Variants in TARBP1 observed in about 807,000 individuals in gnomAD.
TARBP1 encodes the protein tRNA (guanosine(18)-2'-O)-methyltransferase TARBP1.
Under a neutral mutation model 178.6 loss-of-function variants are expected in TARBP1, and 144 were observed. The ratio of observed to expected loss-of-function variants is 0.81; its 90% CI spans 0.70 to 0.93. The LOEUF is 0.93. TARBP1 is among the 40% of genes least tolerant of loss of function. The pLI is 0.00. For missense variants in TARBP1, 2,067 were observed against 2,011.7 expected (o/e 1.03, Z -0.53); for synonymous variants, 787 against 781.0 (o/e 1.01, Z -0.13).
intron 1 of TARBP1, 51 bp from the exon 2 acceptor site, chr1:234,472,862 A>T: frequency 7.3e-7 from 1 of 1,370,910 alleles, no homozygotes; most frequent in Non-Finnish European, 1.0e-6. Flanking sequence ...AAATTTCATA[A>T]GTTTCTCAAT....
chr1:234,438,772 A>T (rs1318315904), intron 12 of TARBP1, among the ~76,000 whole-genome samples: 1 of 152,222 alleles, frequency 6.6e-6, no homozygotes, highest in Non-Finnish European at 1.5e-5. Context: ...AAGGGTATAA[A>T]CCTACAGATT....
At chr1:234,455,529 G>A (rs1558234383) in intron 9 of TARBP1, among the ~76,000 whole-genome samples, 1 of 152,184 alleles carries the variant, frequency 6.6e-6, no homozygotes, top group African/African-American at 2.4e-5. Flanking sequence ...AAGGGTCTTT[G>A]CCTACTGAGA....
At chr1:234,453,308 C>G (rs556366687) in intron 9 of TARBP1, among the ~76,000 whole-genome samples, 31 of 148,894 alleles carry the variant, frequency 2.1e-4, no homozygotes, top group Non-Finnish European at 3.8e-4. Context: ...TATGTGGAAA[C>G]TCTCTGTACT....
At chr1:234,461,831 G>T (rs1667889059) in intron 6 of TARBP1, among the ~76,000 whole-genome samples, 1 of 152,156 alleles carries the variant, frequency 6.6e-6, no homozygotes, top group East Asian at 1.9e-4. Flanking sequence ...CTGCTAATCT[G>T]TGATTTCTTA....
chr1:234,410,575 T>C lies in TARBP1; in HGVS notation c.3706-44A>G, dbSNP rs774258216. 139 of 1,264,166 alleles carry C rather than the reference T, an allele frequency of 1.1e-4. 1 individual carries two copies. In the South Asian group the frequency reaches 1.5e-3, roughly 14 times the overall value. 78.3% of individuals were successfully genotyped at this position (1,264,166 alleles called of 1,614,324 possible). A position where few individuals can be genotyped will look rare whatever the true frequency, so the allele number is the denominator to read the frequency against. On this transcript the variant is annotated intron_variant, in intron 22 of 29. Coordinates refer to ENST00000040877, the MANE Select transcript of TARBP1 (RefSeq NM_005646.4). ...AAACAAATATTGATTCAAAGCTTAC[T>C]GTGAAACATGCACGTGAAAGCGCCG...
In TARBP1 at chr1:234,419,979, TAGGGAGGACAGTAGG is replaced by T. The variant is rs1662903559; in HGVS notation, c.3555+708_3555+722del. Among the ~76,000 whole-genome samples the T allele has an allele frequency of 6.6e-5, 10 of 152,298 alleles. No individual in the cohort carries two copies. The South Asian group carries it at 2.1e-3, about 32-fold the overall frequency. ...ATTCTCTCACACATTTAAAAGAAGG[TAGGGAGGACAGTAGG>T]AAATTTTCATGTCTGAAAGATGTTT... On this transcript the variant is annotated intron_variant, in intron 21 of 29. Coordinates refer to ENST00000040877, the MANE Select transcript of TARBP1 (RefSeq NM_005646.4).
At chr1:234,465,847 G>T in intron 4 of TARBP1, 139 bp from the exon 5 acceptor site, 2 of 646,496 alleles carry the variant, frequency 3.1e-6, no homozygotes, top group Non-Finnish European at 4.8e-6. Flanking sequence ...TACGCTGCAG[G>T]CTAAATTTAG....
At position 234,450,458 on chromosome 1, in the gene TARBP1, G is replaced by T; in HGVS notation, c.1831C>A (p.Gln611Lys). 2 of 1,607,408 alleles carry T rather than the reference G, an allele frequency of 1.2e-6. No homozygotes were observed. Among genetic ancestry groups the T allele is most frequent in the Middle Eastern group, 1.7e-4 (1 of 6,034 alleles). Reference sequence around the variant, plus strand: ...CAAGCAGATGACTTAACATACTCTTGAACAATGCTCTTTACATAAGCATTT... The same window carrying T: ...CAAGCAGATGACTTAACATACTCTTTAACAATGCTCTTTACATAAGCATTT... ...SLNAYVKSIV[Q>K]EYVKSSAWET... The change falls in exon 10 of 30, where the codon CAA becomes AAA. Residue 611 changes from glutamine to lysine, a missense_variant. By Grantham distance (53) the Gln-to-Lys change is moderately conservative. Transcript: ENST00000040877.
intron 24 of TARBP1, 57 bp downstream of exon 24, chr1:234,405,846 C>A: frequency 6.6e-7 from 1 of 1,514,938 alleles, no homozygotes; most frequent in Non-Finnish European, 9.1e-7. Flanking sequence ...ACTGCCCCCT[C>A]CCTGTGGGCC....
In TARBP1 at chr1:234,423,633, T is replaced by A. The variant is rs905375262; in HGVS notation, c.3444+2040A>T. ...TCCTCGTCCTCCACGCAGCACTACC[T>A]TTCCTCGCTTGGTCTCCAGACAGCA... On this transcript the variant is annotated intron_variant, in intron 20 of 29. Coordinates refer to ENST00000040877, the MANE Select transcript of TARBP1 (RefSeq NM_005646.4). Among the ~76,000 whole-genome samples the A allele has an allele frequency of 5.1e-4, 78 of 152,282 alleles. 1 individual carries two copies. Among genetic ancestry groups the A allele is most frequent in the African/African-American group, 1.8e-3 (75 of 41,566 alleles).
Position 234,393,480 on chromosome 1 carries a change from C to A in TARBP1, c.4442G>T (p.Cys1481Phe). Residue 1481 changes from cysteine to phenylalanine, a missense_variant, in exon 28 of 30, where the codon TGC (cysteine) becomes TTC (phenylalanine). Coordinates refer to ENST00000040877, the MANE Select transcript of TARBP1 (RefSeq NM_005646.4). ...AGCCCCAAATACCTCACAGGTCCTG[C>A]ACAGTCCTGCACAGAACACCTGGGA... Reference protein sequence around the residue: ...IDKPTNLGGLCRTCEVFGASV... With the variant: ...IDKPTNLGGLFRTCEVFGASV... The A allele has an allele frequency of 6.3e-7, 1 of 1,585,074 alleles. No individual in the cohort carries two copies. Among genetic ancestry groups the A allele is most frequent in the Non-Finnish European group, 8.6e-7 (1 of 1,165,420 alleles).
At chr1:234,461,055 A>G (rs1273514964) in intron 6 of TARBP1, among the ~76,000 whole-genome samples, 1 of 152,206 alleles carries the variant, frequency 6.6e-6, no homozygotes, top group African/African-American at 2.4e-5. Context: ...AGAAGCGACT[A>G]TTAACACACC....
chr1:234,435,739 A>G (rs1664956777), intron 13 of TARBP1, among the ~76,000 whole-genome samples: 1 of 152,224 alleles, frequency 6.6e-6, no homozygotes, highest in Admixed American at 6.5e-5. Context: ...AGAGCATTCC[A>G]GCCTGACAGC....
At chr1:234,392,606 G>A in intron 28 of TARBP1, 54 bp from the exon 29 acceptor site, 1 of 1,518,486 alleles carries the variant, frequency 6.6e-7, no homozygotes, top group South Asian at 1.2e-5. Context: ...GCCCTGCTTG[G>A]AGTAAATTAG....
At chr1:234,419,072 T>A (rs1043942742) in intron 21 of TARBP1, among the ~76,000 whole-genome samples, 1 of 152,018 alleles carries the variant, frequency 6.6e-6, no homozygotes, top group African/African-American at 2.4e-5. Flanking sequence ...CGCGGGAGGC[T>A]GAGGCAGGAG....
rs1371915591 is a variant in TARBP1, at chr1:234,451,762, A to AC, written c.1723-1197_1723-1196insG. ...AGACTCCGTCTCAAAAAAAAAAAAAAAAAATGATGAATGACTGGATCATCG... is the reference window on the plus strand; with the variant it reads ...AGACTCCGTCTCAAAAAAAAAAAAAACAAAATGATGAATGACTGGATCATCG... On this transcript the variant is annotated intron_variant, in intron 9 of 29. Transcript: ENST00000040877. 9.7e-5 allele frequency among the ~76,000 whole-genome samples: 14 copies of AC among 145,050 alleles called. 5 individuals are homozygous for AC. Among genetic ancestry groups the AC allele is most frequent in the Non-Finnish European group, 1.8e-4 (12 of 65,430 alleles).
At chr1:234,446,633 A>AATTTATATAATTTCTTAATATAT (rs1666195762) in intron 12 of TARBP1, among the ~76,000 whole-genome samples, 170 bp downstream of exon 12, 1 of 146,562 alleles carries the variant, frequency 6.8e-6, no homozygotes, top group Non-Finnish European at 1.5e-5. Flanking sequence ...TATTTTTCTT[A>AATTTATATAATTTCTTAATATAT]AATTATATAA....
At chr1:234,422,285 T>C (rs1195154829) in intron 20 of TARBP1, among the ~76,000 whole-genome samples, 1 of 152,186 alleles carries the variant, frequency 6.6e-6, no homozygotes, top group Non-Finnish European at 1.5e-5. Flanking sequence ...TCAGAATATC[T>C]TTTCTCTACT....
In TARBP1 at chr1:234,460,415, A is replaced by C; in HGVS notation, c.1400-19T>G. On this transcript the variant is annotated intron_variant, in intron 6 of 29. Transcript: ENST00000040877. ...AAGCTACCTGAAAGAAAAAGTTTTA[A>C]ATTATCATTGTTGCCAATTAGCACA... 6.2e-7 allele frequency: 1 copy of C among 1,613,100 alleles called. No homozygotes were observed. The highest frequency in any genetic ancestry group is 8.5e-7 in the Non-Finnish European group (1 of 1,179,484).
Sources: allele counts gnomAD v4.1 joint callset (sites outside exome capture counted in the v4.1 genomes callset), GRCh38; gene constraint gnomAD v4.1.1; transcripts MANE v1.5; gene names NCBI Gene and HGNC (gene_info 2026-07-23, HGNC 2026-07-21).